The following AGO4 variants were observed in gnomAD, a reference collection of about 807,000 sequenced individuals.
AGO4 encodes protein argonaute-4.
A neutral mutation model predicts 104.7 loss-of-function variants in AGO4; 33 were observed. That is an observed-to-expected ratio of 0.32 (90% CI 0.24 to 0.42). The LOEUF is 0.42. AGO4 is among the 10% of genes least tolerant of loss of function. The probability of loss-of-function intolerance (pLI) is 1.00; values close to 1 mark genes in which losing one functional copy is unlikely to be tolerated. For synonymous variants in AGO4, 331 were observed against 364.7 expected (o/e 0.91, Z 1.05); for missense variants, 711 against 1,083.4 (o/e 0.66, Z 4.83).
intron 8 of AGO4, 111 bp downstream of exon 8, chr1:35,831,685 G>T: frequency 6.5e-7 from 1 of 1,535,444 alleles, no homozygotes; most frequent in Non-Finnish European, 8.8e-7. Context: ...AAATATTTTT[G>T]GCAGATGATT....
Position 35,834,052 on chromosome 1 carries a change from C to T in AGO4, c.1442C>T (p.Pro481Leu). Residue 481 changes from proline (P) to leucine (L), a missense_variant, in exon 12 of 18, where the codon CCA becomes CTA. Physicochemically the swap from Pro to Leu is moderately conservative, Grantham distance 98. Coordinates refer to ENST00000373210, the MANE Select transcript of AGO4 (RefSeq NM_017629.4). ...KDAGMPIQGQ[P>L]CFCKYAQGAD... ...GCAGGAATGCCCATCCAGGGTCAGCCATGTTTCTGCAAGTATGCACAAGGT... is the reference window on the plus strand; with the variant it reads ...GCAGGAATGCCCATCCAGGGTCAGCTATGTTTCTGCAAGTATGCACAAGGT... 2 of 1,610,868 alleles carry T rather than the reference C, an allele frequency of 1.2e-6. No individual in the cohort carries two copies. The highest frequency in any genetic ancestry group is 1.7e-6 in the Non-Finnish European group (2 of 1,178,506).
At chr1:35,837,654 A>G (rs898232237) in intron 13 of AGO4, among the ~76,000 whole-genome samples, 1 of 152,200 alleles carries the variant, frequency 6.6e-6, no homozygotes, top group African/African-American at 2.4e-5. Context: ...TGCTGGGATT[A>G]CAGGCATGAG....
intron 11 of AGO4, among the ~76,000 whole-genome samples, chr1:35,833,776 ATTC>A (rs764970543): frequency 6.6e-6 from 1 of 152,236 alleles, no homozygotes; most frequent in Non-Finnish European, 1.5e-5. Flanking sequence ...AGTAATACAG[ATTC>A]TTTTCTGTTT....
At chr1:35,833,703 A>G (rs913793143) in intron 11 of AGO4, among the ~76,000 whole-genome samples, 1 of 152,236 alleles carries the variant, frequency 6.6e-6, no homozygotes, top group African/African-American at 2.4e-5. Flanking sequence ...TTTGAACAGC[A>G]ATGCTATTCT....
At chr1:35,840,390 G>C (rs1411812913) in intron 13 of AGO4, among the ~76,000 whole-genome samples, 3 of 152,110 alleles carry the variant, frequency 2.0e-5, no homozygotes, top group Non-Finnish European at 4.4e-5. Flanking sequence ...TCAAACTCCT[G>C]ACCTCAAGTG....
Position 35,826,771 on chromosome 1 carries a change from T to A in AGO4, c.784T>A (p.Cys262Ser), listed in dbSNP as rs777801833. ...AGGTCTCAAAGTTGAGGTGACCCACTGTGGACAGATGAAACGAAAATACCG... is the reference window on the plus strand; with the variant it reads ...AGGTCTCAAAGTTGAGGTGACCCACAGTGGACAGATGAAACGAAAATACCG... Reference protein sequence around the residue: ...IRGLKVEVTHCGQMKRKYRVC... With the variant: ...IRGLKVEVTHSGQMKRKYRVC... Residue 262 changes from cysteine to serine, a missense_variant, in exon 7 of 18, where the codon TGT (cysteine) becomes AGT (serine). Coordinates refer to ENST00000373210, the MANE Select transcript of AGO4 (RefSeq NM_017629.4). The A allele has an allele frequency of 6.2e-7, 1 of 1,614,068 alleles. No individual in the cohort carries two copies. Among genetic ancestry groups the A allele is most frequent in the African/African-American group, 1.3e-5 (1 of 74,928 alleles).
At chr1:35,818,153 T>C (rs150108608) in intron 2 of AGO4, among the ~76,000 whole-genome samples, 1 of 152,250 alleles carries the variant, frequency 6.6e-6, no homozygotes, top group East Asian at 1.9e-4. Context: ...TATGAATGAA[T>C]ATATATGTTT....
chr1:35,853,510 C>A lies in AGO4; in HGVS notation c.2491C>A (p.His831Asn). The change falls in exon 18 of 18, where the codon CAT becomes AAT. Residue 831 changes from histidine to asparagine, a missense_variant. By Grantham distance (68) the His-to-Asn change is moderately conservative. This residue lies in a region of AGO4 where 401 missense variants were observed against 665.5 expected (regional missense o/e 0.60). Coordinates refer to ENST00000373210, the MANE Select transcript of AGO4 (RefSeq NM_017629.4). ...DKDHDSAEGS[H>N]VSGQSNGRDP... is the part of the protein sequence containing the mutation. ...TTCTCTTTACAGTGCGGAAGGCAGT[C>A]ATGTGTCAGGACAGAGCAACGGCCG... The A allele has an allele frequency of 6.2e-7, 1 of 1,612,192 alleles. No individual in the cohort carries two copies. The highest frequency in any genetic ancestry group is 1.1e-5 in the South Asian group (1 of 90,838).
In AGO4 at chr1:35,808,099, C is replaced by G. The variant is rs1165429194; in HGVS notation, c.-318C>G. On this transcript the variant is annotated 5_prime_UTR_variant, in exon 1 of 18. Transcript: ENST00000373210. The surrounding 1 kb of genome is among the most constrained non-coding windows in gnomAD (Gnocchi z 5.2). ...CACGCCCCCTCCGCCCGCCGGGACC[C>G]TGGGTCCGCGCACCCCGCGCCCCCT... 6.7e-6 allele frequency: 1 copy of G among 149,522 alleles called. No homozygotes were observed. The highest frequency in any genetic ancestry group is 2.4e-5 in the African/African-American group (1 of 41,020). The allele number at this position is 149,522 out of a possible 1,614,324, so 9.3% of individuals were successfully genotyped here.
In AGO4 at chr1:35,825,503, C is replaced by T. The variant is rs542753512; in HGVS notation, c.488+9C>T. On this transcript the variant is annotated intron_variant, in intron 4 of 17. Transcript: ENST00000373210. The stretch of plus-strand genomic sequence containing the variant: ...CACCTTCCCTCCATGAGGTTAGTAC[C>T]TTGGTTTGGATTATTTCCTACAAAT... The T allele has an allele frequency of 6.6e-5, 106 of 1,609,342 alleles. 1 individual carries two copies. The Admixed American group carries it at 1.8e-3, about 27-fold the overall frequency.
chr1:35,848,003 C>T (rs944514226), intron 15 of AGO4, among the ~76,000 whole-genome samples: 3 of 152,116 alleles, frequency 2.0e-5, no homozygotes, highest in African/African-American at 7.3e-5. Context: ...TTCCTGAATG[C>T]AGAACCTGTG....
intron 2 of AGO4, among the ~76,000 whole-genome samples, chr1:35,818,668 AG>A (rs1230151158): frequency 6.9e-6 from 1 of 144,706 alleles, no homozygotes; most frequent in African/African-American, 2.8e-5. Flanking sequence ...AAAGGAAGAA[AG>A]GAAGGAAGGA....
chr1:35,848,684 C>G (rs1644631476), intron 15 of AGO4, among the ~76,000 whole-genome samples: 1 of 150,580 alleles, frequency 6.6e-6, no homozygotes, highest in Non-Finnish European at 1.5e-5. Context: ...ATGCTATATA[C>G]TTTATATCCC....
chr1:35,818,350 G>A (rs549070035), intron 2 of AGO4, among the ~76,000 whole-genome samples: 1 of 152,268 alleles, frequency 6.6e-6, no homozygotes, highest in Non-Finnish European at 1.5e-5. Context: ...CAGGCCGGGC[G>A]TGATGGCTCA....
chr1:35,853,662 C>G lies in AGO4; in HGVS notation c.*57C>G. On this transcript the variant is annotated 3_prime_UTR_variant, in exon 18 of 18. Coordinates refer to ENST00000373210, the MANE Select transcript of AGO4 (RefSeq NM_017629.4). ...CACCCCATGCAGCCTCAAAATGTTT[C>G]AAATGCCTACCGCCTCTAGATCGAG... The G allele has an allele frequency of 6.8e-7, 1 of 1,474,854 alleles. No homozygotes were observed. The highest frequency in any genetic ancestry group is 9.4e-7 in the Non-Finnish European group (1 of 1,058,846). 91.4% of individuals were successfully genotyped at this position (1,474,854 alleles called of 1,614,324 possible).
intron 11 of AGO4, among the ~76,000 whole-genome samples, chr1:35,833,076 C>T (rs750088028): frequency 6.6e-6 from 1 of 151,922 alleles, no homozygotes; most frequent in Non-Finnish European, 1.5e-5. Flanking sequence ...GTCAGGAGAT[C>T]GAGATCATCC....
At chr1:35,842,059 A>C (rs1248120561) in intron 15 of AGO4, among the ~76,000 whole-genome samples, 1 of 152,102 alleles carries the variant, frequency 6.6e-6, no homozygotes, top group Non-Finnish European at 1.5e-5. Context: ...CAACCTTCTA[A>C]GGGGTGCTTT....
At chr1:35,829,309 GAAA>G (rs763135799) in intron 7 of AGO4, among the ~76,000 whole-genome samples, 2 of 113,132 alleles carry the variant, frequency 1.8e-5, no homozygotes, top group Admixed American at 1.8e-4. Context: ...TTCTTTCTCA[GAAA>G]AAAAAAAAAA....
chr1:35,821,281 C>T (rs2148657167), intron 2 of AGO4, among the ~76,000 whole-genome samples: 2 of 152,304 alleles, frequency 1.3e-5, no homozygotes, highest in East Asian at 3.9e-4. Context: ...GATACCACGT[C>T]TCTCCATCAA....
Sources: gnomAD v4.1 joint callset for allele counts (sites outside exome capture counted in the v4.1 genomes callset) on GRCh38, gnomAD v4.1.1 for gene constraint, gnomAD v4.1.1 regional missense constraint, Gnocchi (gnomAD v3.1) non-coding constraint, MANE v1.5 for transcripts, NCBI Gene and HGNC (gene_info 2026-07-23, HGNC 2026-07-21) for gene names.